ZNF704: variants seen among roughly 807,000 people sequenced by gnomAD.
ZNF704 encodes the protein glucocorticoid induced gene 1.
ZNF704 carries 10 observed loss-of-function variants against 44.7 expected under a neutral mutation model. The ratio of observed to expected loss-of-function variants is 0.22; its 90% confidence interval spans 0.14 to 0.38. ZNF704 has a LOEUF of 0.38. ZNF704 is among the 10% of genes least tolerant of loss of function. The pLI is 1.00. For missense variants in ZNF704, 390 were observed against 545.5 expected (o/e 0.71, Z 2.84); for synonymous variants, 211 against 207.6 (o/e 1.02, Z -0.14).
At chr8:80,833,822 A>C (rs1484734360) in intron 1 of ZNF704, among the ~76,000 whole-genome samples, 1 of 152,172 alleles carries the variant, frequency 6.6e-6, no homozygotes. Flanking sequence ...GCTGCCAAAC[A>C]AGGAGATGGG....
At chr8:80,731,467 A>G (rs1806580598) in intron 2 of ZNF704, among the ~76,000 whole-genome samples, 1 of 152,234 alleles carries the variant, frequency 6.6e-6, no homozygotes, top group African/African-American at 2.4e-5. Flanking sequence ...AATCATAAAT[A>G]CACCATAACA....
chr8:80,696,271 G>A (rs937763521), intron 2 of ZNF704, among the ~76,000 whole-genome samples: 2 of 152,168 alleles, frequency 1.3e-5, no homozygotes, highest in Admixed American at 6.5e-5. Flanking sequence ...TAAGACTCAT[G>A]TTTGCTAAAG....
Position 80,687,232 on chromosome 8 carries a change from T to C in ZNF704, c.552A>G (p.Lys184=), listed in dbSNP as rs1818552971. 6.2e-7 allele frequency: 1 copy of C among 1,611,044 alleles called. No homozygotes were observed. The highest frequency in any genetic ancestry group is 1.3e-5 in the African/African-American group (1 of 75,026). The change falls in exon 4 of 9, where the codon AAA becomes AAG. Residue 184 remains lysine, a synonymous_variant. Coordinates refer to ENST00000327835, the MANE Select transcript of ZNF704 (RefSeq NM_001033723.3). ...CGCGTGGCTGACCACCAACCTTTCTTTTCCTGGGAATGGGCTCGTCGAAGA... is the reference window on the plus strand; with the variant it reads ...CGCGTGGCTGACCACCAACCTTTCTCTTCCTGGGAATGGGCTCGTCGAAGA... The part of the protein sequence containing the change: ...NLLFDEPIPR[K]RKNSMKVMFK...
intron 2 of ZNF704, among the ~76,000 whole-genome samples, chr8:80,707,858 C>G (rs1818921045): frequency 6.6e-6 from 1 of 152,210 alleles, no homozygotes; most frequent in Non-Finnish European, 1.5e-5. Flanking sequence ...GTAATACCTA[C>G]CATGCACAAA....
At chr8:80,677,572 G>A (rs1231233578) in intron 4 of ZNF704, among the ~76,000 whole-genome samples, 1 of 152,078 alleles carries the variant, frequency 6.6e-6, no homozygotes, top group Non-Finnish European at 1.5e-5. Flanking sequence ...TTGAACCCCT[G>A]CTAAAGGTTC....
At chr8:80,711,203 C>A (rs560299439) in intron 2 of ZNF704, among the ~76,000 whole-genome samples, 2 of 152,304 alleles carry the variant, frequency 1.3e-5, no homozygotes, top group African/African-American at 2.4e-5. Context: ...TATGTTCTAG[C>A]CTTCTAGTGA....
At chr8:80,855,248 GTTC>G (rs1808939246) in intron 1 of ZNF704, among the ~76,000 whole-genome samples, 1 of 152,092 alleles carries the variant, frequency 6.6e-6, no homozygotes, top group South Asian at 2.1e-4. Context: ...ATTGATATAT[GTTC>G]TTGTGTCTTT....
chr8:80,656,053 A>AT (rs891281517), intron 7 of ZNF704, among the ~76,000 whole-genome samples: 3 of 152,212 alleles, frequency 2.0e-5, no homozygotes, highest in Non-Finnish European at 4.4e-5. Context: ...TAAGGAGGTC[A>AT]TAAGGGTGGG....
intron 2 of ZNF704, among the ~76,000 whole-genome samples, chr8:80,746,601 A>T (rs941363117): frequency 6.6e-6 from 1 of 152,170 alleles, no homozygotes; most frequent in Admixed American, 6.5e-5. Flanking sequence ...GCTGGGTATT[A>T]CACTAAGTTT....
At chr8:80,832,310 G>C (rs1808484437) in intron 1 of ZNF704, among the ~76,000 whole-genome samples, 1 of 151,990 alleles carries the variant, frequency 6.6e-6, no homozygotes, top group South Asian at 2.1e-4. Context: ...CTAAGACAGG[G>C]ACTGAAGCTC....
At chr8:80,663,717 C>T (rs1818138086) in intron 6 of ZNF704, among the ~76,000 whole-genome samples, 1 of 146,782 alleles carries the variant, frequency 6.8e-6, no homozygotes. Flanking sequence ...CCAAAGCTTT[C>T]CAATGCTTAC....
rs1435222383 is a variant in ZNF704 at position 80,630,794 on chromosome 8, A to G, written c.*10572T>C. The G allele has an allele frequency of 6.6e-6, 1 of 152,170 alleles. No homozygotes were observed. Among genetic ancestry groups the G allele is most frequent in the Non-Finnish European group, 1.5e-5 (1 of 68,028 alleles). 9.4% of individuals were successfully genotyped at this position (152,170 alleles called of 1,614,324 possible). On this transcript the variant is annotated 3_prime_UTR_variant, in exon 9 of 9. Transcript: ENST00000327835. ...AGTGTCTGGTTATTCCAGAAAGCCT[A>G]TGTTTAAATGGCTGATCACTGTCCA...
At chr8:80,792,536 T>C (rs1379897545) in intron 2 of ZNF704, among the ~76,000 whole-genome samples, 1 of 152,186 alleles carries the variant, frequency 6.6e-6, no homozygotes, top group African/African-American at 2.4e-5. Context: ...TGTAGCCAAG[T>C]TGATGGCATG....
At chr8:80,753,961 C>T (rs936633694) in intron 2 of ZNF704, among the ~76,000 whole-genome samples, 1 of 152,098 alleles carries the variant, frequency 6.6e-6, no homozygotes, top group South Asian at 2.1e-4. Flanking sequence ...CTCTTCACTT[C>T]CAGGCGAAGT....
chr8:80,704,569 CG>C (rs1363407510), intron 2 of ZNF704, among the ~76,000 whole-genome samples: 1 of 152,136 alleles, frequency 6.6e-6, no homozygotes, highest in African/African-American at 2.4e-5. Flanking sequence ...GTTGGACTTC[CG>C]GGCACCGACC....
chr8:80,688,944 G>T (rs1818586436), intron 3 of ZNF704, among the ~76,000 whole-genome samples: 1 of 133,996 alleles, frequency 7.5e-6, no homozygotes, highest in African/African-American at 2.9e-5. Context: ...GGGCAACAGA[G>T]TGAGACTCTG....
chr8:80,669,636 T>C lies in ZNF704; in HGVS notation c.659+867A>G, dbSNP rs535198458. 1.4e-4 allele frequency among the ~76,000 whole-genome samples: 21 copies of C among 152,358 alleles called. No homozygotes were observed. In the South Asian group the frequency reaches 4.4e-3, roughly 32 times the overall value. On this transcript the variant is annotated intron_variant, in intron 5 of 8. Transcript: ENST00000327835. ...ATCCCTTGCTGGGTAAAGTGACTGC[T>C]GCATTTATTTCTCTGCACTTATCTT...
intron 4 of ZNF704, among the ~76,000 whole-genome samples, chr8:80,677,006 G>C (rs1256738666): frequency 6.6e-6 from 1 of 152,202 alleles, no homozygotes; most frequent in Non-Finnish European, 1.5e-5. Flanking sequence ...GAGTGGGAAA[G>C]GAATGGGCAA....
At chr8:80,778,032 T>C (rs964548799) in intron 2 of ZNF704, among the ~76,000 whole-genome samples, 12 of 152,146 alleles carry the variant, frequency 7.9e-5, no homozygotes, top group African/African-American at 2.9e-4. Flanking sequence ...ACACTCAATA[T>C]TGAAATTCAA....
Sources: allele counts gnomAD v4.1 joint callset (sites outside exome capture counted in the v4.1 genomes callset), GRCh38; gene constraint gnomAD v4.1.1; transcripts MANE v1.5; gene names NCBI Gene and HGNC (gene_info 2026-07-23, HGNC 2026-07-21).